COL28A1: variants seen among roughly 807,000 people sequenced by gnomAD.
The protein encoded by COL28A1 is collagen alpha-1(XXVIII) chain.
In COL28A1, 161 loss-of-function variants were observed where a neutral mutation model predicts 150.2. The observed-to-expected ratio is 1.07, with a 90% CI of 0.94 to 1.22. The LOEUF (loss-of-function observed/expected upper bound fraction) is 1.22. COL28A1 is among the 50% of genes most tolerant of loss of function. The probability of loss-of-function intolerance (pLI) is 0.00; values close to 1 mark genes in which losing one functional copy is unlikely to be tolerated. For synonymous variants in COL28A1, 552 were observed against 469.7 expected (o/e 1.18, Z -2.26); for missense variants, 1,617 against 1,388.3 (o/e 1.16, Z -2.62).
At chr7:7,399,702 T>A (rs953830263) in intron 27 of COL28A1, among the ~76,000 whole-genome samples, 5 of 152,332 alleles carry the variant, frequency 3.3e-5, no homozygotes, top group African/African-American at 7.2e-5. Context: ...TGTGGGTCAA[T>A]TGAAAGAAGT....
At chr7:7,461,677 C>T (rs1375764209) in intron 15 of COL28A1, among the ~76,000 whole-genome samples, 1 of 152,130 alleles carries the variant, frequency 6.6e-6, no homozygotes, top group Non-Finnish European at 1.5e-5. Context: ...CCTAGGTATA[C>T]AATTCCATTG....
chr7:7,498,204 A>G (rs1780324135), intron 11 of COL28A1, among the ~76,000 whole-genome samples: 1 of 152,170 alleles, frequency 6.6e-6, no homozygotes, highest in Non-Finnish European at 1.5e-5. Flanking sequence ...ACTTCATTAT[A>G]TATAACAAAA....
chr7:7,460,530 C>T (rs1200326521), intron 15 of COL28A1, among the ~76,000 whole-genome samples: 1 of 151,810 alleles, frequency 6.6e-6, no homozygotes, highest in Admixed American at 6.6e-5. Context: ...ACTACAGGCG[C>T]CTGCCACCAC....
At chr7:7,397,495 T>C (rs4724986) in intron 27 of COL28A1, among the ~76,000 whole-genome samples, 99,969 of 152,138 alleles carry the variant, frequency 0.66, 37,182 homozygotes, top group East Asian at 0.87. Context: ...TTTTGCTCTA[T>C]TTATACAAAA....
intron 27 of COL28A1, among the ~76,000 whole-genome samples, chr7:7,392,132 T>C (rs1166302161): frequency 6.6e-6 from 1 of 152,246 alleles, no homozygotes; most frequent in East Asian, 1.9e-4. Context: ...TTCCTTTCCA[T>C]GTTTAGTGCT....
chr7:7,484,823 C>T (rs1053670644), intron 13 of COL28A1, among the ~76,000 whole-genome samples: 5 of 152,104 alleles, frequency 3.3e-5, no homozygotes, highest in African/African-American at 1.2e-4. Context: ...AGATCATGTC[C>T]TTTGCAGCAA....
At chr7:7,477,202 G>A (rs375745908) in intron 13 of COL28A1, 22 bp from the exon 14 acceptor site, 3 of 910,282 alleles carry the variant, frequency 3.3e-6, no homozygotes, top group African/African-American at 1.6e-5. Context: ...AGGAGAAAAT[G>A]AGGAGCAGGA....
At chr7:7,527,251 G>A (rs1782076356) in intron 3 of COL28A1, among the ~76,000 whole-genome samples, 1 of 152,200 alleles carries the variant, frequency 6.6e-6, no homozygotes, top group South Asian at 2.1e-4. Flanking sequence ...TAGGCTATAA[G>A]CCCCAGGAAC....
Position 7,423,205 on chromosome 7 carries a change from T to G in COL28A1, c.1999-3252A>C, listed in dbSNP as rs146652442. On this transcript the variant is annotated intron_variant, in intron 25 of 34. Transcript: ENST00000399429. ...ATGTCTGAGGATTGCTTCAGGATAA[T>G]GTGGTGAGGGGAGGAGTGAAGAATA... Among the ~76,000 whole-genome samples the G allele has an allele frequency of 6.0e-4, 92 of 152,296 alleles. 3 individuals carry two copies. In the South Asian group the frequency reaches 7.9e-3, roughly 13 times the overall value.
At chr7:7,426,997 T>G (rs1784676291) in intron 25 of COL28A1, among the ~76,000 whole-genome samples, 1 of 152,156 alleles carries the variant, frequency 6.6e-6, no homozygotes, top group African/African-American at 2.4e-5. Flanking sequence ...TAACAATATG[T>G]TTATGGTGAT....
intron 11 of COL28A1, among the ~76,000 whole-genome samples, chr7:7,494,522 T>C (rs1449713949): frequency 6.6e-6 from 1 of 152,238 alleles, no homozygotes; most frequent in East Asian, 1.9e-4. Context: ...ATTCAAGATA[T>C]TGTCTGCAAA....
chr7:7,442,436 T>C (rs1441121805), intron 20 of COL28A1, among the ~76,000 whole-genome samples: 1 of 152,222 alleles, frequency 6.6e-6, no homozygotes, highest in Non-Finnish European at 1.5e-5. Flanking sequence ...TCCTGAATGT[T>C]AGCAGATCGG....
At chr7:7,374,156 C>T (rs368979124) in intron 31 of COL28A1, among the ~76,000 whole-genome samples, 5 of 151,598 alleles carry the variant, frequency 3.3e-5, no homozygotes, top group African/African-American at 1.2e-4. Flanking sequence ...TTAGGATGCC[C>T]TGTGGATGCC....
intron 25 of COL28A1, among the ~76,000 whole-genome samples, chr7:7,422,349 G>C (rs1478847404): frequency 6.6e-6 from 1 of 152,188 alleles, no homozygotes; most frequent in Non-Finnish European, 1.5e-5. Context: ...GATATGGCCA[G>C]GTTGGGCGCA....
chr7:7,391,448 A>G (rs1782535170), intron 27 of COL28A1, among the ~76,000 whole-genome samples: 1 of 152,204 alleles, frequency 6.6e-6, no homozygotes, highest in African/African-American at 2.4e-5. Flanking sequence ...AAGAATGCAT[A>G]TTCTGCTGAT....
chr7:7,456,779 T>G (rs963808946), intron 15 of COL28A1, among the ~76,000 whole-genome samples: 1 of 152,192 alleles, frequency 6.6e-6, no homozygotes, highest in African/African-American at 2.4e-5. Context: ...CTGTCCTCCA[T>G]TGAGCTTAGA....
intron 9 of COL28A1, among the ~76,000 whole-genome samples, chr7:7,508,926 C>A (rs1780973368): frequency 6.6e-6 from 1 of 152,108 alleles, no homozygotes; most frequent in South Asian, 2.1e-4. Flanking sequence ...CTCTGCCTCC[C>A]AGGTTCAAGC....
At chr7:7,529,339 T>C (rs1323311482) in intron 3 of COL28A1, among the ~76,000 whole-genome samples, 2 of 151,300 alleles carry the variant, frequency 1.3e-5, no homozygotes, top group Admixed American at 6.6e-5. Flanking sequence ...TGGTGGCAAT[T>C]TGTAACATTG....
At chr7:7,400,992 G>A (rs1336167693) in intron 27 of COL28A1, among the ~76,000 whole-genome samples, 2 of 146,134 alleles carry the variant, frequency 1.4e-5, no homozygotes, top group African/African-American at 5.1e-5. Context: ...GTGTGTGTGT[G>A]TGTGTGTGTG....
Sources: allele counts gnomAD v4.1 joint callset (sites outside exome capture counted in the v4.1 genomes callset), GRCh38; gene constraint gnomAD v4.1.1; transcripts MANE v1.5; gene names NCBI Gene and HGNC (gene_info 2026-07-23, HGNC 2026-07-21).